WDR53: variants seen among roughly 807,000 people sequenced by gnomAD.
The protein encoded by WDR53 is WD repeat-containing protein 53.
In WDR53, 19 loss-of-function variants were observed where a neutral mutation model predicts 21.3. That is an observed-to-expected ratio of 0.89 (90% CI 0.62 to 1.31). The LOEUF (loss-of-function observed/expected upper bound fraction) is 1.31. Ranked by LOEUF, WDR53 falls within the 50% of genes most tolerant of loss-of-function variation. The pLI is 0.00. For missense variants in WDR53, 374 were observed against 423.2 expected (o/e 0.88, Z 1.02); for synonymous variants, 157 against 163.4 (o/e 0.96, Z 0.30).
chr3:196,556,056 T>A (rs1734288265), intron 3 of WDR53, among the ~76,000 whole-genome samples: 1 of 152,122 alleles, frequency 6.6e-6, no homozygotes, highest in Non-Finnish European at 1.5e-5. Flanking sequence ...AAAATAGTTT[T>A]TTTTTTAAAA....
intron 3 of WDR53, among the ~76,000 whole-genome samples, chr3:196,560,489 G>A (rs748613852): frequency 9.9e-5 from 15 of 152,038 alleles, no homozygotes; most frequent in Non-Finnish European, 1.0e-4. Context: ...TGCCCACCTC[G>A]GCCTTCCAAA....
chr3:196,556,347 AAC>A (rs1234770816), intron 3 of WDR53, among the ~76,000 whole-genome samples: 1 of 152,074 alleles, frequency 6.6e-6, no homozygotes, highest in East Asian at 1.9e-4. Flanking sequence ...AATGCCCCAA[AAC>A]AGTTTCTATT....
chr3:196,560,477 T>G (rs1416220372), intron 3 of WDR53, among the ~76,000 whole-genome samples: 1 of 152,174 alleles, frequency 6.6e-6, no homozygotes, highest in African/African-American at 2.4e-5. Flanking sequence ...CCTCAAGTGA[T>G]CTGCCCACCT....
At chr3:196,556,957 T>G (rs1207515455) in intron 3 of WDR53, among the ~76,000 whole-genome samples, 1 of 152,214 alleles carries the variant, frequency 6.6e-6, no homozygotes, top group Non-Finnish European at 1.5e-5. Context: ...GTCTGGACAT[T>G]CCCTTTATGC....
intron 3 of WDR53, among the ~76,000 whole-genome samples, chr3:196,560,478 C>T (rs1247468355): frequency 6.6e-6 from 1 of 152,174 alleles, no homozygotes; most frequent in Non-Finnish European, 1.5e-5. Flanking sequence ...CTCAAGTGAT[C>T]TGCCCACCTC....
Position 196,563,430 on chromosome 3 carries a change from G to C in WDR53, c.-16-1939C>G, listed in dbSNP as rs188752767. 4.4e-3 allele frequency among the ~76,000 whole-genome samples: 663 copies of C among 152,268 alleles called. 4 individuals are homozygous for C. Among genetic ancestry groups the C allele is most frequent in the African/African-American group, 0.015 (635 of 41,536 alleles). On this transcript the variant is annotated intron_variant, in intron 2 of 3. Coordinates refer to ENST00000332629, the MANE Select transcript of WDR53 (RefSeq NM_182627.3). ...AAATTTAATTTTTCATTTCATAAGC[G>C]AAAGGAGAGCTTACCCGAGTGCCAG...
intron 2 of WDR53, among the ~76,000 whole-genome samples, chr3:196,564,312 C>T (rs965220987): frequency 1.3e-5 from 2 of 152,072 alleles, no homozygotes; most frequent in South Asian, 2.1e-4. Context: ...AAGATGCTAT[C>T]CTACAAATTT....
At chr3:196,559,249 TCAC>T (rs770287670) in intron 3 of WDR53, among the ~76,000 whole-genome samples, 9 of 152,208 alleles carry the variant, frequency 5.9e-5, no homozygotes, top group Non-Finnish European at 1.0e-4. Context: ...GGGCAGATTA[TCAC>T]CACTAGGGTG....
intron 2 of WDR53, among the ~76,000 whole-genome samples, chr3:196,564,995 ATTCAG>A (rs1057311112): frequency 6.6e-6 from 1 of 152,206 alleles, no homozygotes; most frequent in Non-Finnish European, 1.5e-5. Context: ...TTCAAGGTTC[ATTCAG>A]TTAAGTTTTG....
rs748955303 is a variant in WDR53, at chr3:196,554,857, C to T, written c.481-50G>A. 3.4e-6 allele frequency: 5 copies of T among 1,473,682 alleles called. No individual in the cohort carries two copies. The South Asian group carries it at 6.0e-5, about 18-fold the overall frequency. The allele number at this position is 1,473,682 out of a possible 1,614,324, so 91.3% of individuals were successfully genotyped here. On this transcript the variant is annotated intron_variant, in intron 3 of 3. Transcript: ENST00000332629. ...GTCATACAAAATGCTAGCCAATTTG[C>T]TCAACTATCATGCTTATTCAGCTTC...
At chr3:196,564,255 G>A (rs572825820) in intron 2 of WDR53, among the ~76,000 whole-genome samples, 1 of 152,114 alleles carries the variant, frequency 6.6e-6, no homozygotes, top group Non-Finnish European at 1.5e-5. Flanking sequence ...GAAAGGCACT[G>A]ATAGTATTTA....
At chr3:196,559,094 T>C (rs973085543) in intron 3 of WDR53, among the ~76,000 whole-genome samples, 7 of 152,236 alleles carry the variant, frequency 4.6e-5, no homozygotes, top group African/African-American at 9.6e-5. Flanking sequence ...CAATTGTCTA[T>C]TGCCATGCCT....
chr3:196,560,294 G>A (rs1196290951), intron 3 of WDR53, among the ~76,000 whole-genome samples: 4 of 150,646 alleles, frequency 2.7e-5, no homozygotes, highest in South Asian at 2.1e-4. Context: ...CTAGGCAGGA[G>A]TGCAGTGGCA....
At position 196,560,979 on chromosome 3, in the gene WDR53, CTG is replaced by C; in HGVS notation, c.480+15_480+16del. 3 of 1,589,100 alleles carry C rather than the reference CTG, an allele frequency of 1.9e-6. No individual in the cohort carries two copies. The highest frequency in any genetic ancestry group is 1.7e-6 in the Non-Finnish European group (2 of 1,167,956). The stretch of plus-strand genomic sequence containing the variant: ...CCCACTTAGAAATTCCCCAAGTACT[CTG>C]TGCAAAAGCATCACCTGCATATCCA... On this transcript the variant is annotated intron_variant, in intron 3 of 3. Coordinates refer to ENST00000332629, the MANE Select transcript of WDR53 (RefSeq NM_182627.3).
intron 3 of WDR53, among the ~76,000 whole-genome samples, chr3:196,560,670 T>A (rs1297141293): frequency 6.6e-6 from 1 of 152,208 alleles, no homozygotes; most frequent in East Asian, 1.9e-4. Context: ...TAAACAGAGT[T>A]TACAGAGAGT....
chr3:196,559,087 T>C (rs1734590154), intron 3 of WDR53, among the ~76,000 whole-genome samples: 1 of 152,206 alleles, frequency 6.6e-6, no homozygotes, highest in Admixed American at 6.5e-5. Context: ...GCGTACCCAA[T>C]TGTCTATTGC....
chr3:196,556,899 A>T lies in WDR53; in HGVS notation c.481-2092T>A, dbSNP rs146693195. The stretch of plus-strand genomic sequence containing the variant: ...TGTGTTAACAGCCATCCCAGATTCT[A>T]CCAAGTCTAGAATCATTTCCACGTA... On this transcript the variant is annotated intron_variant, in intron 3 of 3. Coordinates refer to ENST00000332629, the MANE Select transcript of WDR53 (RefSeq NM_182627.3). 4.1e-4 allele frequency among the ~76,000 whole-genome samples: 62 copies of T among 152,336 alleles called. No homozygotes were observed. The Middle Eastern group carries it at 0.014, about 33-fold the overall frequency.
intron 2 of WDR53, among the ~76,000 whole-genome samples, chr3:196,563,473 C>T (rs1035472604): frequency 2.0e-5 from 3 of 152,092 alleles, no homozygotes; most frequent in Non-Finnish European, 2.9e-5. Flanking sequence ...AGCTGTTGTG[C>T]TATTTTCAGA....
At position 196,561,476 on chromosome 3, in the gene WDR53, A is replaced by C. The variant is rs1253252897; in HGVS notation, c.-1T>G. On this transcript the variant is annotated 5_prime_UTR_variant, in exon 3 of 4. In the 5' UTR this introduces an upstream ATG that the reference lacks. Coordinates refer to ENST00000332629, the MANE Select transcript of WDR53 (RefSeq NM_182627.3). ...GCCCACCCGTCCACTTGACTGCCAT[A>C]ATGGTCCCGGAGACTCTGTGAAGTG... is the stretch of plus-strand genomic sequence containing the variant. 6.2e-7 allele frequency: 1 copy of C among 1,610,640 alleles called. No individual in the cohort carries two copies. Among genetic ancestry groups the C allele is most frequent in the Non-Finnish European group, 8.5e-7 (1 of 1,178,510 alleles).
Sources: allele counts gnomAD v4.1 joint callset (sites outside exome capture counted in the v4.1 genomes callset), GRCh38; gene constraint gnomAD v4.1.1; transcripts MANE v1.5; gene names NCBI Gene and HGNC (gene_info 2026-07-23, HGNC 2026-07-21).